WDR49: variants seen among roughly 807,000 people sequenced by gnomAD.
WDR49 encodes WD repeat domain 49.
Under a neutral mutation model 119.5 loss-of-function variants are expected in WDR49, and 107 were observed. That is an observed-to-expected ratio of 0.90 (90% CI 0.77 to 1.05). WDR49 has a LOEUF of 1.05. WDR49 is among the 50% of genes least tolerant of loss of function. The pLI, the probability that WDR49 is intolerant of heterozygous loss-of-function variation, is 0.00. For synonymous variants in WDR49, 425 were observed against 418.8 expected (o/e 1.01, Z -0.18); for missense variants, 1,240 against 1,220.5 (o/e 1.02, Z -0.24).
chr3:167,490,572 C>G (rs1441654012), intron 18 of WDR49, among the ~76,000 whole-genome samples: 1 of 151,964 alleles, frequency 6.6e-6, no homozygotes, highest in Non-Finnish European at 1.5e-5. Context: ...TTTTTCTTTA[C>G]CGGTGCTAGA....
intron 10 of WDR49, among the ~76,000 whole-genome samples, chr3:167,552,648 T>C (rs75234688): frequency 0.012 from 1,888 of 152,084 alleles, 40 homozygotes; most frequent in African/African-American, 0.044. Context: ...AGCAAGCAAA[T>C]GGATAACTGA....
At chr3:167,494,472 GA>G (rs372589228) in intron 18 of WDR49, among the ~76,000 whole-genome samples, 9,593 of 145,314 alleles carry the variant, frequency 0.066, 484 homozygotes, top group African/African-American at 0.13. Flanking sequence ...CACCAGATAG[GA>G]AAAAAAAAAA....
chr3:167,508,273 A>T (rs908930213), intron 16 of WDR49, among the ~76,000 whole-genome samples: 1 of 152,206 alleles, frequency 6.6e-6, no homozygotes, highest in Non-Finnish European at 1.5e-5. Context: ...TTTTCACATG[A>T]TGCTTGTTGG....
intron 16 of WDR49, among the ~76,000 whole-genome samples, chr3:167,518,196 G>A (rs1476912370): frequency 4.0e-5 from 6 of 151,744 alleles, no homozygotes; most frequent in African/African-American, 1.2e-4. Flanking sequence ...ATAAACATAC[G>A]TGTGCATGTG....
intron 7 of WDR49, among the ~76,000 whole-genome samples, chr3:167,595,304 T>A (rs933418113): frequency 2.0e-5 from 3 of 152,196 alleles, no homozygotes; most frequent in African/African-American, 7.2e-5. Flanking sequence ...CAAGATAATT[T>A]ACAGATTCAA....
chr3:167,536,699 A>G (rs1227959691), intron 11 of WDR49, among the ~76,000 whole-genome samples, 171 bp downstream of exon 11: 3 of 120,988 alleles, frequency 2.5e-5, no homozygotes, highest in South Asian at 5.0e-4. Flanking sequence ...ATATATATAT[A>G]TATATACACA....
At chr3:167,615,052 G>A (rs774174380) in intron 5 of WDR49, among the ~76,000 whole-genome samples, 31 of 152,032 alleles carry the variant, frequency 2.0e-4, no homozygotes, top group Admixed American at 1.2e-3. Flanking sequence ...GTCTTTTCTC[G>A]TATTGAAATC....
At chr3:167,489,157 T>C (rs1751032308) in intron 18 of WDR49, among the ~76,000 whole-genome samples, 1 of 152,126 alleles carries the variant, frequency 6.6e-6, no homozygotes, top group South Asian at 2.1e-4. Context: ...TCAGCAGCAG[T>C]AGACTTTGTT....
intron 10 of WDR49, among the ~76,000 whole-genome samples, chr3:167,548,921 C>T (rs1018544580): frequency 6.6e-6 from 1 of 152,040 alleles, no homozygotes; most frequent in Admixed American, 6.6e-5. Flanking sequence ...CAATTCCCAC[C>T]TATGAGTGAG....
chr3:167,549,264 C>A lies in WDR49; in HGVS notation c.1823+5386G>T, dbSNP rs1397583029. ...CTAGTTCTAGATCCTTGAGGAATCG[C>A]CACACTCTCTTCCACAATGGTTGAA... On this transcript the variant is annotated intron_variant, in intron 10 of 18. Transcript: ENST00000682715. 2.6e-5 allele frequency among the ~76,000 whole-genome samples: 4 copies of A among 152,246 alleles called. No homozygotes were observed. The East Asian group carries it at 7.7e-4, about 29-fold the overall frequency.
At chr3:167,620,342 G>C in intron 5 of WDR49, 87 bp downstream of exon 5, 2 of 1,348,750 alleles carry the variant, frequency 1.5e-6, no homozygotes, top group Non-Finnish European at 9.7e-7. Context: ...TAGACTTAAA[G>C]GTTTTGTGTG....
chr3:167,516,161 G>T (rs1295381866), intron 16 of WDR49, among the ~76,000 whole-genome samples: 1 of 152,084 alleles, frequency 6.6e-6, no homozygotes, highest in South Asian at 2.1e-4. Flanking sequence ...GTGCAGGTTA[G>T]TTACGTATAC....
intron 3 of WDR49, among the ~76,000 whole-genome samples, chr3:167,624,242 T>A (rs2108324759): frequency 6.6e-6 from 1 of 151,722 alleles, no homozygotes; most frequent in Non-Finnish European, 1.5e-5. Context: ...TCATACCAAA[T>A]GTTTGTGAGG....
intron 9 of WDR49, among the ~76,000 whole-genome samples, chr3:167,557,761 A>AAAAAT (rs1411792889): frequency 6.6e-6 from 1 of 152,106 alleles, no homozygotes; most frequent in Non-Finnish European, 1.5e-5. Flanking sequence ...TCAAAAAAAA[A>AAAAAT]AAAAAAATCA....
chr3:167,585,243 A>G (rs964090186), intron 7 of WDR49, among the ~76,000 whole-genome samples: 1 of 152,118 alleles, frequency 6.6e-6, no homozygotes, highest in African/African-American at 2.4e-5. Context: ...GAAAACAGAC[A>G]CTTTCATATA....
At chr3:167,574,015 C>T (rs1015602282) in intron 8 of WDR49, among the ~76,000 whole-genome samples, 8 of 152,340 alleles carry the variant, frequency 5.3e-5, no homozygotes, top group African/African-American at 1.7e-4. Context: ...ACACTGGCCT[C>T]AGGCAGAATT....
intron 6 of WDR49, among the ~76,000 whole-genome samples, chr3:167,603,509 C>T (rs566307966): frequency 6.6e-6 from 1 of 152,236 alleles, no homozygotes; most frequent in African/African-American, 2.4e-5. Flanking sequence ...ATGGACACAG[C>T]TCCTTAGCTA....
intron 2 of WDR49, among the ~76,000 whole-genome samples, chr3:167,638,769 A>G (rs1717737338): frequency 6.6e-6 from 1 of 151,584 alleles, no homozygotes; most frequent in African/African-American, 2.4e-5. Flanking sequence ...CATTTATACT[A>G]TATTATCAAT....
chr3:167,515,680 A>T (rs1233731399), intron 16 of WDR49, among the ~76,000 whole-genome samples: 2 of 152,170 alleles, frequency 1.3e-5, no homozygotes, highest in Non-Finnish European at 2.9e-5. Context: ...TTCAAATAGG[A>T]AGAAAGGAAG....
Sources: gnomAD v4.1 joint callset for allele counts (sites outside exome capture counted in the v4.1 genomes callset) on GRCh38, gnomAD v4.1.1 for gene constraint, MANE v1.5 for transcripts, NCBI Gene and HGNC (gene_info 2026-07-23, HGNC 2026-07-21) for gene names.